The following CMIP variants were observed in gnomAD, a reference collection of about 807,000 sequenced individuals.
CMIP encodes c-Maf inducing protein, also known as C-Maf-inducing protein.
CMIP carries 13 observed loss-of-function variants against 97.3 expected under a neutral mutation model. That is an observed-to-expected ratio of 0.13 (90% CI 0.09 to 0.21). The LOEUF (loss-of-function observed/expected upper bound fraction) is 0.21. Among genes scored for constraint, CMIP ranks in the 10% least tolerant of loss-of-function variants. The probability of loss-of-function intolerance (pLI) is 1.00; values close to 1 mark genes in which losing one functional copy is unlikely to be tolerated. For missense variants in CMIP, 847 were observed against 1,024.9 expected (o/e 0.83, Z 2.37); for synonymous variants, 538 against 436.3 (o/e 1.23, Z -2.91).
At chr16:81,646,641 C>A (rs1354269715) in intron 3 of CMIP, among the ~76,000 whole-genome samples, 1 of 152,174 alleles carries the variant, frequency 6.6e-6, no homozygotes, top group East Asian at 1.9e-4. Context: ...CAGTCTCATT[C>A]CTGTTCTGTG....
At chr16:81,645,765 C>T in intron 3 of CMIP, 2 of 715,244 alleles carry the variant, frequency 2.8e-6, no homozygotes, top group South Asian at 3.3e-5. Flanking sequence ...CCCTGGACTA[C>T]TCCTTTACAG....
intron 1 of CMIP, among the ~76,000 whole-genome samples, chr16:81,451,512 G>C (rs539570752): frequency 2.6e-5 from 4 of 152,298 alleles, no homozygotes; most frequent in South Asian, 4.1e-4. Flanking sequence ...TTACTGAATG[G>C]AGTTGTCTCT....
Position 81,614,014 on chromosome 16 carries a change from C to T in CMIP, c.426+6322C>T, listed in dbSNP as rs112227520. 9.9e-5 allele frequency among the ~76,000 whole-genome samples: 15 copies of T among 152,192 alleles called. No homozygotes were observed. The highest frequency in any genetic ancestry group is 2.0e-4 in the Admixed American group (3 of 15,282). On this transcript the variant is annotated intron_variant, in intron 2 of 20. Transcript: ENST00000537098. The surrounding 1 kb of genome is among the most constrained non-coding windows in gnomAD (Gnocchi z 5.3). Reference sequence around the variant, plus strand: ...AGCCTGCAGAAGAAGGACAACTAGACAGGCGATTCCAGGACAGTGTGATGC... The same window carrying T: ...AGCCTGCAGAAGAAGGACAACTAGATAGGCGATTCCAGGACAGTGTGATGC...
intron 10 of CMIP, among the ~76,000 whole-genome samples, chr16:81,679,959 C>G (rs1464102540): frequency 6.6e-6 from 1 of 152,238 alleles, no homozygotes; most frequent in East Asian, 1.9e-4. Context: ...CCCTTTCTCG[C>G]TCCACAAACT....
intron 16 of CMIP, 51 bp downstream of exon 16, chr16:81,701,851 G>A (rs1285313294): frequency 4.4e-6 from 7 of 1,607,676 alleles, no homozygotes; most frequent in South Asian, 1.1e-5. Flanking sequence ...GGCCAGGGGG[G>A]GCCAGGGCGG....
rs1421516025 is a variant in CMIP, at chr16:81,445,403, G to A, written c.162G>A (p.Leu54=). ...TTTGCAACGGGATGAGGTACAAACT[G>A]CTGCAGGAGGGCGACATTCAGGTCT... ...LLLCNGMRYK[L]LQEGDIQVCV... Residue 54 remains leucine, a synonymous_variant, in exon 1 of 21, where the codon CTG becomes CTA. Transcript: ENST00000537098. 6.2e-7 allele frequency: 1 copy of A among 1,602,952 alleles called. No individual in the cohort carries two copies. Among genetic ancestry groups the A allele is most frequent in the Non-Finnish European group, 8.5e-7 (1 of 1,175,020 alleles).
intron 1 of CMIP, among the ~76,000 whole-genome samples, chr16:81,468,737 A>G (rs1468547924): frequency 6.6e-6 from 1 of 152,210 alleles, no homozygotes; most frequent in African/African-American, 2.4e-5. Flanking sequence ...GGGTCCCTGG[A>G]GAGAAGGCTG....
chr16:81,696,517 G>T lies in CMIP; in HGVS notation c.1531-43G>T, dbSNP rs76758134. The T allele has an allele frequency of 2.3e-3, 3,584 of 1,572,592 alleles. 62 individuals are homozygous for T. In the African/African-American group the frequency reaches 0.041, roughly 18 times the overall value. On this transcript the variant is annotated intron_variant, in intron 13 of 20. Coordinates refer to ENST00000537098, the MANE Select transcript of CMIP (RefSeq NM_198390.3). ...CAGATCATGGTCGCCCTTGTCACCG[G>T]GGCTGCATGCAGCTCACACTTGTGT... is the stretch of plus-strand genomic sequence containing the variant.
intron 13 of CMIP, chr16:81,696,174 C>G: frequency 3.4e-6 from 1 of 290,792 alleles, no homozygotes; most frequent in Non-Finnish European, 6.6e-6. Context: ...ATGGCCCCAC[C>G]CAGAGGAAGG....
chr16:81,538,914 C>T (rs1010583837), intron 1 of CMIP, among the ~76,000 whole-genome samples: 2 of 151,950 alleles, frequency 1.3e-5, no homozygotes, highest in South Asian at 2.1e-4. Flanking sequence ...ATAAAATGAA[C>T]GGTGTCCATC....
rs1484645678 is a variant in CMIP at position 81,655,590 on chromosome 16, C to G, written c.640-2185C>G. Among the ~76,000 whole-genome samples the G allele has an allele frequency of 6.6e-6, 1 of 152,136 alleles. No homozygotes were observed. Among genetic ancestry groups the G allele is most frequent in the Admixed American group, 6.5e-5 (1 of 15,280 alleles). ...GTAGAATGCATGGGCTGTCCTGTGA[C>G]TGGGACAAAGGAAATGATGTCCGTG... On this transcript the variant is annotated intron_variant, in intron 4 of 20. Coordinates refer to ENST00000537098, the MANE Select transcript of CMIP (RefSeq NM_198390.3). This position sits in a 1 kb window ranked among gnomAD's most constrained non-coding sequence, Gnocchi z 4.9.
In CMIP at chr16:81,704,117, C is replaced by T. The variant is rs780490134; in HGVS notation, c.2091+32C>T. On this transcript the variant is annotated intron_variant, in intron 18 of 20. Coordinates refer to ENST00000537098, the MANE Select transcript of CMIP (RefSeq NM_198390.3). ...CCTCCCGCCCTGCTGCAGTCCCCCA[C>T]ACCCTCCTCCTTCACCTCTGCACTC... 1.3e-5 allele frequency: 20 copies of T among 1,585,146 alleles called. No homozygotes were observed. The Admixed American group carries it at 3.1e-4, about 25-fold the overall frequency.
intron 1 of CMIP, among the ~76,000 whole-genome samples, chr16:81,446,756 C>T (rs1268237516): frequency 6.6e-6 from 1 of 152,170 alleles, no homozygotes; most frequent in African/African-American, 2.4e-5. Context: ...TCCATGTTCC[C>T]TTGGCGGTGT....
chr16:81,692,174 A>G (rs991703695), intron 11 of CMIP, among the ~76,000 whole-genome samples: 1 of 152,234 alleles, frequency 6.6e-6, no homozygotes. Context: ...ATTATGCACC[A>G]GATGGGAACC....
chr16:81,696,288 A>G, intron 13 of CMIP: 2 of 543,590 alleles, frequency 3.7e-6, no homozygotes, highest in Non-Finnish European at 3.3e-6. Context: ...CGCTTCATTC[A>G]GATCAGCCAA....
At chr16:81,609,394 G>A (rs560488765) in intron 2 of CMIP, among the ~76,000 whole-genome samples, 5 of 152,286 alleles carry the variant, frequency 3.3e-5, no homozygotes, top group Middle Eastern at 3.4e-3. Context: ...GAGATGGGGC[G>A]GGCAATCACA....
intron 1 of CMIP, chr16:81,603,447 G>GATAC: frequency 2.2e-6 from 1 of 454,528 alleles, no homozygotes. Flanking sequence ...AAGCGACGAG[G>GATAC]ATACCCCAGA....
intron 11 of CMIP, 55 bp downstream of exon 11, chr16:81,691,895 G>T: frequency 6.8e-7 from 1 of 1,465,874 alleles, no homozygotes; most frequent in East Asian, 2.3e-5. Flanking sequence ...AACCTCAGTT[G>T]TCCACCAAGG....
At chr16:81,455,876 C>T (rs375870883) in intron 1 of CMIP, among the ~76,000 whole-genome samples, 47 of 152,350 alleles carry the variant, frequency 3.1e-4, no homozygotes, top group East Asian at 1.9e-3. Flanking sequence ...CCTGTGCTGT[C>T]TCGAAGGTGA....
Sources: allele counts gnomAD v4.1 joint callset (sites outside exome capture counted in the v4.1 genomes callset), GRCh38; gene constraint gnomAD v4.1.1; non-coding constraint Gnocchi (gnomAD v3.1); transcripts MANE v1.5; gene names NCBI Gene and HGNC (gene_info 2026-07-23, HGNC 2026-07-21).